Variants in EPB41L2 observed in about 807,000 individuals in gnomAD.
The protein encoded by EPB41L2 is band 4.1-like protein 2.
EPB41L2 carries 43 observed loss-of-function variants against 113.0 expected under a neutral mutation model. That is an observed-to-expected ratio of 0.38 (90% CI 0.30 to 0.49). The LOEUF (loss-of-function observed/expected upper bound fraction) is 0.49. Ranked by LOEUF, EPB41L2 falls within the 20% of genes least tolerant of loss-of-function variation. The pLI, the probability that EPB41L2 is intolerant of heterozygous loss-of-function variation, is 0.95. For missense variants in EPB41L2, 1,147 were observed against 1,223.4 expected (o/e 0.94, Z 0.93); for synonymous variants, 442 against 436.7 (o/e 1.01, Z -0.15).
At chr6:130,907,756 A>G (rs1423355054) in intron 5 of EPB41L2, among the ~76,000 whole-genome samples, 2 of 152,204 alleles carry the variant, frequency 1.3e-5, no homozygotes, top group Non-Finnish European at 2.9e-5. Context: ...AACAAATGTG[A>G]AGAACCTAAA....
At chr6:130,934,796 CTT>C (rs34793686) in intron 3 of EPB41L2, among the ~76,000 whole-genome samples, 1,335 of 129,246 alleles carry the variant, frequency 0.01, 10 homozygotes, top group South Asian at 0.022. Context: ...TTTTTGTTTT[CTT>C]TTTTTTTTTT....
intron 10 of EPB41L2, 68 bp downstream of exon 10, chr6:130,894,276 T>G: frequency 7.6e-7 from 1 of 1,307,316 alleles, no homozygotes; most frequent in Admixed American, 1.7e-5. Flanking sequence ...CACCTCTGCC[T>G]CCTGAGTCAG....
At chr6:130,926,892 T>TA (rs1232911751) in intron 3 of EPB41L2, among the ~76,000 whole-genome samples, 183 bp from the exon 4 acceptor site, 2 of 152,178 alleles carry the variant, frequency 1.3e-5, no homozygotes. Context: ...TGCACACATA[T>TA]ACAAAGCATA....
chr6:130,890,876 T>C (rs1792612259), intron 10 of EPB41L2, among the ~76,000 whole-genome samples: 1 of 152,220 alleles, frequency 6.6e-6, no homozygotes, highest in African/African-American at 2.4e-5. Flanking sequence ...GAAGAAAACA[T>C]CTAACTCAGG....
chr6:130,912,333 T>A (rs1799669011), intron 4 of EPB41L2, among the ~76,000 whole-genome samples: 1 of 152,184 alleles, frequency 6.6e-6, no homozygotes, highest in Admixed American at 6.5e-5. Context: ...CCTGCTGTCT[T>A]AATACCATAT....
At chr6:130,873,355 G>A (rs1786374489) in intron 14 of EPB41L2, among the ~76,000 whole-genome samples, 1 of 152,114 alleles carries the variant, frequency 6.6e-6, no homozygotes, top group African/African-American at 2.4e-5. Flanking sequence ...CTGCCTGAGG[G>A]ACAGCAGAAC....
At chr6:130,958,476 A>C (rs1002361214) in intron 1 of EPB41L2, among the ~76,000 whole-genome samples, 23 of 104,264 alleles carry the variant, frequency 2.2e-4, no homozygotes, top group African/African-American at 1.1e-3. Flanking sequence ...AACAAAAAAA[A>C]AAAAAAAAAA....
Position 130,901,159 on chromosome 6 carries a change from G to T in EPB41L2, c.951C>A (p.Leu317=), listed in dbSNP as rs1419451950. 1.2e-6 allele frequency: 2 copies of T among 1,613,708 alleles called. No homozygotes were observed. The highest frequency in any genetic ancestry group is 2.2e-5 in the South Asian group (2 of 91,044). ...DITRYFLCLQ[L]RQDIASGRLP... The stretch of plus-strand genomic sequence containing the variant: ...GGCGGCCAGAGGCAATGTCCTGCCG[G>T]AGCTGAAGGCACAAGAAGTATCTGT... The change falls in exon 7 of 20, where the codon CTC becomes CTA. Residue 317 remains leucine (L), a synonymous_variant. Coordinates refer to ENST00000337057, the MANE Select transcript of EPB41L2 (RefSeq NM_001431.4).
rs182544639 is a variant in EPB41L2, at chr6:130,891,244, C to T, written c.1488-778G>A. On this transcript the variant is annotated intron_variant, in intron 10 of 19. Transcript: ENST00000337057. ...CCACCGAAACTTTTCCTATCATTTA[C>T]TATGGAAGAGTGATTTCTTAAAGAA... is the stretch of plus-strand genomic sequence containing the variant. Among the ~76,000 whole-genome samples the T allele has an allele frequency of 3.9e-5, 6 of 152,042 alleles. No homozygotes were observed. In the East Asian group the frequency reaches 1.2e-3, roughly 29 times the overall value.
intron 3 of EPB41L2, among the ~76,000 whole-genome samples, chr6:130,941,596 A>G (rs577718291): frequency 2.0e-5 from 3 of 152,240 alleles, no homozygotes; most frequent in African/African-American, 7.2e-5. Flanking sequence ...AGCTTATCAG[A>G]GCAGTCCTAT....
chr6:130,880,778 C>T (rs1348692850), intron 12 of EPB41L2: 5 of 357,776 alleles, frequency 1.4e-5, no homozygotes, highest in Admixed American at 1.4e-4. Context: ...TACTCAGGAA[C>T]AAGAATATGA....
intron 1 of EPB41L2, among the ~76,000 whole-genome samples, chr6:130,988,091 G>T (rs1466456530): frequency 6.6e-6 from 1 of 151,854 alleles, no homozygotes; most frequent in African/African-American, 2.4e-5. Flanking sequence ...ACTCCAGCTG[G>T]AGTGACAGAG....
At chr6:131,007,077 A>C (rs539248929) in intron 1 of EPB41L2, among the ~76,000 whole-genome samples, 7 of 152,304 alleles carry the variant, frequency 4.6e-5, no homozygotes, top group African/African-American at 1.7e-4. Flanking sequence ...AGCCACAGTA[A>C]CTTTTCTCAA....
rs564335625 is a variant in EPB41L2 at position 130,848,418 on chromosome 6, T to C, written c.*6-7820A>G. 1.1e-4 allele frequency among the ~76,000 whole-genome samples: 17 copies of C among 152,350 alleles called. 1 individual carries two copies. The highest frequency in any genetic ancestry group is 3.9e-4 in the Admixed American group (6 of 15,300). On this transcript the variant is annotated intron_variant, in intron 19 of 19. Transcript: ENST00000337057. ...AAAAATAAAAAGGAACATGTATATG[T>C]AATTTTAATGTAGTTATTAAACCCA...
At chr6:130,972,243 G>C (rs1209985421) in intron 1 of EPB41L2, among the ~76,000 whole-genome samples, 1 of 143,932 alleles carries the variant, frequency 6.9e-6, no homozygotes, top group Non-Finnish European at 1.5e-5. Flanking sequence ...AGAATTGCTT[G>C]AACTCAGGAG....
At chr6:130,870,256 A>G in intron 14 of EPB41L2, 130 bp from the exon 15 acceptor site, 1 of 1,535,558 alleles carries the variant, frequency 6.5e-7, no homozygotes, top group Non-Finnish European at 8.8e-7. Context: ...GCTGACTGAA[A>G]GGGAAGCGGG....
chr6:130,899,180 A>G (rs1795547337), intron 8 of EPB41L2, among the ~76,000 whole-genome samples: 1 of 152,014 alleles, frequency 6.6e-6, no homozygotes, highest in Non-Finnish European at 1.5e-5. Flanking sequence ...TTGGCCTAGC[A>G]GAAGCTGCAA....
At chr6:130,974,203 A>G (rs1777581473) in intron 1 of EPB41L2, among the ~76,000 whole-genome samples, 1 of 152,218 alleles carries the variant, frequency 6.6e-6, no homozygotes, top group Admixed American at 6.5e-5. Context: ...ACTCATAAAA[A>G]GAAGCACCAG....
At chr6:130,942,240 G>T (rs558188293) in intron 3 of EPB41L2, among the ~76,000 whole-genome samples, 1 of 152,178 alleles carries the variant, frequency 6.6e-6, no homozygotes, top group Non-Finnish European at 1.5e-5. Flanking sequence ...GCTTTTGTGT[G>T]ATAAATTAAA....
Sources: allele counts gnomAD v4.1 joint callset (sites outside exome capture counted in the v4.1 genomes callset), GRCh38; gene constraint gnomAD v4.1.1; transcripts MANE v1.5; gene names NCBI Gene and HGNC (gene_info 2026-07-23, HGNC 2026-07-21).